Variants in AGBL4 observed in about 807,000 individuals in gnomAD.
AGBL4 encodes cytosolic carboxypeptidase 6.
A neutral mutation model predicts 66.4 loss-of-function variants in AGBL4; 58 were observed. The ratio of observed to expected loss-of-function variants is 0.87; its 90% confidence interval spans 0.71 to 1.09. The LOEUF (loss-of-function observed/expected upper bound fraction) is 1.09, where lower values mean the gene tolerates loss of function less well. Ranked by LOEUF, AGBL4 falls within the 50% of genes least tolerant of loss-of-function variation. The probability of loss-of-function intolerance (pLI) is 0.00; values close to 1 mark genes in which losing one functional copy is unlikely to be tolerated. For synonymous variants in AGBL4, 234 were observed against 222.9 expected (o/e 1.05, Z -0.44); for missense variants, 579 against 631.0 (o/e 0.92, Z 0.88).
At chr1:48,639,640 C>A (rs1645723276) in intron 8 of AGBL4, among the ~76,000 whole-genome samples, 1 of 152,164 alleles carries the variant, frequency 6.6e-6, no homozygotes, top group Non-Finnish European at 1.5e-5. Flanking sequence ...AAATGAAACA[C>A]CAACTAGTCA....
At chr1:49,437,463 G>A (rs999682095) in intron 3 of AGBL4, among the ~76,000 whole-genome samples, 7 of 151,932 alleles carry the variant, frequency 4.6e-5, no homozygotes, top group Non-Finnish European at 8.8e-5. Context: ...AGTGACTCCC[G>A]TCTCTAAATT....
intron 4 of AGBL4, among the ~76,000 whole-genome samples, chr1:49,121,194 G>A (rs1645646144): frequency 6.6e-6 from 1 of 152,164 alleles, no homozygotes; most frequent in Admixed American, 6.5e-5. Flanking sequence ...CCAACCTTCT[G>A]AAGGCTACTT....
chr1:49,272,854 T>C (rs1644090164), intron 3 of AGBL4, among the ~76,000 whole-genome samples: 1 of 152,214 alleles, frequency 6.6e-6, no homozygotes, highest in Non-Finnish European at 1.5e-5. Flanking sequence ...GTCAAGTTCA[T>C]ATAATTTTAA....
chr1:49,218,432 T>A (rs777443437), intron 4 of AGBL4, among the ~76,000 whole-genome samples: 8 of 152,040 alleles, frequency 5.3e-5, no homozygotes, highest in Non-Finnish European at 7.4e-5. Flanking sequence ...AGAGGGTACA[T>A]AGAGTAGTGA....
intron 3 of AGBL4, among the ~76,000 whole-genome samples, chr1:49,525,840 T>A (rs1650613201): frequency 6.6e-6 from 1 of 151,784 alleles, no homozygotes; most frequent in Non-Finnish European, 1.5e-5. Flanking sequence ...GTAATCCTAG[T>A]ACTTTGGGAG....
chr1:49,602,876 T>C (rs1450559910), intron 3 of AGBL4, among the ~76,000 whole-genome samples: 1 of 151,584 alleles, frequency 6.6e-6, no homozygotes, highest in East Asian at 1.9e-4. Flanking sequence ...AAAATCTAGA[T>C]GAAGGCAAAA....
intron 6 of AGBL4, among the ~76,000 whole-genome samples, chr1:48,677,964 T>C (rs1324898158): frequency 6.6e-6 from 1 of 152,192 alleles, no homozygotes; most frequent in Non-Finnish European, 1.5e-5. Context: ...ACTGGTAGGC[T>C]ACTAGGAGAC....
chr1:49,453,042 A>G (rs1005517012), intron 3 of AGBL4, among the ~76,000 whole-genome samples: 2 of 151,940 alleles, frequency 1.3e-5, no homozygotes, highest in African/African-American at 4.8e-5. Flanking sequence ...GTGTATCCAC[A>G]GCATCTACCA....
At chr1:48,703,841 TA>T (rs1268947889) in intron 6 of AGBL4, among the ~76,000 whole-genome samples, 1 of 152,142 alleles carries the variant, frequency 6.6e-6, no homozygotes, top group African/African-American at 2.4e-5. Flanking sequence ...TAAAGAGAAG[TA>T]AAAAATTATT....
chr1:49,764,598 C>T (rs148438158), intron 2 of AGBL4, among the ~76,000 whole-genome samples: 1 of 152,228 alleles, frequency 6.6e-6, no homozygotes, highest in Admixed American at 6.5e-5. Context: ...GGAGGACTGT[C>T]TACCCTATTC....
chr1:48,937,948 A>T (rs1220700672), intron 5 of AGBL4, among the ~76,000 whole-genome samples: 1 of 152,194 alleles, frequency 6.6e-6, no homozygotes, highest in Non-Finnish European at 1.5e-5. Flanking sequence ...TTTTAATTGC[A>T]GTTCTTCGAC....
chr1:48,791,972 A>G (rs1645563162), intron 6 of AGBL4, among the ~76,000 whole-genome samples: 1 of 152,184 alleles, frequency 6.6e-6, no homozygotes, highest in East Asian at 1.9e-4. Flanking sequence ...AATGGGTGTT[A>G]TGGGTTTCAC....
chr1:49,646,969 A>G (rs956625012), intron 3 of AGBL4, among the ~76,000 whole-genome samples: 23 of 147,608 alleles, frequency 1.6e-4, no homozygotes, highest in Admixed American at 7.4e-4. Context: ...CCATAGACCA[A>G]AAAAAAAAAA....
At chr1:49,810,802 A>G (rs750783766) in intron 2 of AGBL4, among the ~76,000 whole-genome samples, 29 of 152,152 alleles carry the variant, frequency 1.9e-4, no homozygotes, top group Non-Finnish European at 4.0e-4. Flanking sequence ...GTAGAAAGTG[A>G]TATGATTAAA....
chr1:48,881,608 G>A (rs1558062653), intron 5 of AGBL4, among the ~76,000 whole-genome samples: 1 of 152,128 alleles, frequency 6.6e-6, no homozygotes, highest in Non-Finnish European at 1.5e-5. Context: ...GCTAAAGTTG[G>A]AAATACACAT....
chr1:49,274,057 T>A (rs933334340), intron 3 of AGBL4, among the ~76,000 whole-genome samples: 1 of 152,218 alleles, frequency 6.6e-6, no homozygotes, highest in African/African-American at 2.4e-5. Context: ...ATGCTGTCTT[T>A]ACTAGGTCTT....
intron 3 of AGBL4, among the ~76,000 whole-genome samples, chr1:49,586,502 T>C (rs1191585545): frequency 6.6e-6 from 1 of 152,198 alleles, no homozygotes; most frequent in Non-Finnish European, 1.5e-5. Context: ...GTGAAGACAG[T>C]ATTAATGTCC....
chr1:49,948,100 A>T (rs191429695), intron 1 of AGBL4, among the ~76,000 whole-genome samples: 3 of 83,060 alleles, frequency 3.6e-5, no homozygotes, highest in Non-Finnish European at 6.1e-5. Flanking sequence ...ATGTATATGT[A>T]TATATATGTA....
At chr1:49,569,792 TG>T (rs1644289726) in intron 3 of AGBL4, among the ~76,000 whole-genome samples, 1 of 152,144 alleles carries the variant, frequency 6.6e-6, no homozygotes, top group Admixed American at 6.6e-5. Flanking sequence ...TATATCCATA[TG>T]TATACATTAT....
Sources: gnomAD v4.1 joint callset for allele counts (sites outside exome capture counted in the v4.1 genomes callset) on GRCh38, gnomAD v4.1.1 for gene constraint, MANE v1.5 for transcripts, NCBI Gene and HGNC (gene_info 2026-07-23, HGNC 2026-07-21) for gene names.